Variants in CNTNAP2 observed in about 807,000 individuals in gnomAD.
CNTNAP2 encodes contactin associated protein 2, also known as contactin-associated protein-like 2.
CNTNAP2 carries 98 observed loss-of-function variants against 155.2 expected under a neutral mutation model. The ratio of observed to expected loss-of-function variants is 0.63; its 90% confidence interval spans 0.54 to 0.75. The LOEUF is 0.75. CNTNAP2 is among the 30% of genes least tolerant of loss of function. The pLI is 0.00. For missense variants in CNTNAP2, 1,727 were observed against 1,688.1 expected (o/e 1.02, Z -0.40); for synonymous variants, 651 against 631.2 (o/e 1.03, Z -0.47).
intron 8 of CNTNAP2, among the ~76,000 whole-genome samples, chr7:147,137,318 A>G (rs556861704): frequency 7.9e-5 from 12 of 151,408 alleles, no homozygotes; most frequent in Non-Finnish European, 1.5e-4. Context: ...TAATGTCATT[A>G]TTATAAATAT....
intron 1 of CNTNAP2, among the ~76,000 whole-genome samples, chr7:146,507,237 C>T (rs1797397700): frequency 6.6e-6 from 1 of 152,188 alleles, no homozygotes; most frequent in Non-Finnish European, 1.5e-5. Flanking sequence ...CTTCTCTATC[C>T]ATGAATAGCA....
chr7:146,320,611 G>A (rs1010738238), intron 1 of CNTNAP2, among the ~76,000 whole-genome samples: 1 of 152,068 alleles, frequency 6.6e-6, no homozygotes, highest in African/African-American at 2.4e-5. Context: ...AGCATACTGA[G>A]GGTTTGGAGA....
intron 16 of CNTNAP2, among the ~76,000 whole-genome samples, chr7:148,135,747 G>A (rs1804924652): frequency 6.7e-6 from 1 of 150,206 alleles, no homozygotes; most frequent in Admixed American, 6.7e-5. Flanking sequence ...TACTCGGGAG[G>A]CTGAGGCAGG....
At chr7:146,313,099 T>C (rs1340567223) in intron 1 of CNTNAP2, among the ~76,000 whole-genome samples, 2 of 152,208 alleles carry the variant, frequency 1.3e-5, no homozygotes, top group African/African-American at 4.8e-5. Context: ...AATCACATAG[T>C]AATTCTATTT....
At chr7:147,144,903 T>A (rs1563092526) in intron 8 of CNTNAP2, among the ~76,000 whole-genome samples, 1 of 152,210 alleles carries the variant, frequency 6.6e-6, no homozygotes, top group South Asian at 2.1e-4. Flanking sequence ...AGTACATGCA[T>A]GCTTTTTAAA....
chr7:146,549,923 A>G (rs537781251), intron 1 of CNTNAP2, among the ~76,000 whole-genome samples: 12 of 152,070 alleles, frequency 7.9e-5, no homozygotes, highest in Non-Finnish European at 1.5e-4. Flanking sequence ...CAGGTTGAGG[A>G]TGACCTTAGT....
rs1010147445 is a variant in CNTNAP2 at position 146,513,257 on chromosome 7, C to G, written c.98-261014C>G. ...ATCTTTTAAAAAATATATTCATCTA[C>G]CCTCTATCTTTTAATTGGAGAATTT... On this transcript the variant is annotated intron_variant, in intron 1 of 23. Transcript: ENST00000361727. Among the ~76,000 whole-genome samples the G allele has an allele frequency of 3.4e-4, 52 of 151,856 alleles. 1 individual carries two copies. Among genetic ancestry groups the G allele is most frequent in the African/African-American group, 1.2e-3 (51 of 41,396 alleles).
chr7:148,215,469 G>A (rs972366066), intron 18 of CNTNAP2, among the ~76,000 whole-genome samples: 2 of 151,340 alleles, frequency 1.3e-5, no homozygotes, highest in African/African-American at 4.9e-5. Flanking sequence ...CTTTTGATCA[G>A]GCATTTATTC....
intron 21 of CNTNAP2, among the ~76,000 whole-genome samples, chr7:148,274,903 G>T (rs920454694): frequency 2.6e-5 from 4 of 152,148 alleles, no homozygotes; most frequent in African/African-American, 7.2e-5. Context: ...GAATAGTAAT[G>T]GTCTCTGTGT....
intron 13 of CNTNAP2, among the ~76,000 whole-genome samples, chr7:147,847,278 TG>T (rs1798827685): frequency 2.2e-5 from 1 of 45,962 alleles, no homozygotes; most frequent in East Asian, 6.8e-4. Flanking sequence ...CCATATTTCT[TG>T]GAGGCTTTGC....
At chr7:146,507,533 A>G (rs144052884) in intron 1 of CNTNAP2, among the ~76,000 whole-genome samples, 81 of 152,298 alleles carry the variant, frequency 5.3e-4, no homozygotes, top group African/African-American at 1.9e-3. Flanking sequence ...ATGCTTTCCA[A>G]TATCCCAAGA....
At chr7:148,025,081 G>A (rs1409774446) in intron 15 of CNTNAP2, among the ~76,000 whole-genome samples, 1 of 152,136 alleles carries the variant, frequency 6.6e-6, no homozygotes, top group Non-Finnish European at 1.5e-5. Flanking sequence ...CTAATGAAAG[G>A]ACATAAGATT....
At chr7:147,823,169 A>T (rs1458706851) in intron 13 of CNTNAP2, among the ~76,000 whole-genome samples, 2 of 152,170 alleles carry the variant, frequency 1.3e-5, no homozygotes, top group Admixed American at 1.3e-4. Flanking sequence ...TTCTACCTTG[A>T]ATTCATGTGC....
At chr7:147,468,853 TCC>T (rs67839065) in intron 10 of CNTNAP2, among the ~76,000 whole-genome samples, 112,173 of 144,982 alleles carry the variant, frequency 0.77, 43,741 homozygotes, top group African/African-American at 0.87. Context: ...TTTTTTTTTT[TCC>T]CCCCAGACAG....
chr7:147,579,622 A>C (rs1024109391), intron 12 of CNTNAP2, among the ~76,000 whole-genome samples: 1 of 152,156 alleles, frequency 6.6e-6, no homozygotes, highest in African/African-American at 2.4e-5. Context: ...TGTCTTCAGA[A>C]GTTTCACCAA....
chr7:147,599,729 A>T (rs1308755918), intron 12 of CNTNAP2, among the ~76,000 whole-genome samples: 1 of 152,010 alleles, frequency 6.6e-6, no homozygotes, highest in Non-Finnish European at 1.5e-5. Context: ...GGTATTCTCC[A>T]TGTGTGTGTC....
chr7:146,267,744 G>A (rs549402708), intron 1 of CNTNAP2, among the ~76,000 whole-genome samples: 22 of 152,294 alleles, frequency 1.4e-4, no homozygotes, highest in African/African-American at 4.6e-4. Flanking sequence ...GCACATTCCC[G>A]TGGTTTGCAA....
At position 147,368,096 on chromosome 7, in the gene CNTNAP2, T is replaced by TCACACACACA. The variant is rs5888250; in HGVS notation, c.1499-27486_1499-27477dup. Among the ~76,000 whole-genome samples, 446 of 117,162 alleles carry TCACACACACA rather than the reference T, an allele frequency of 3.8e-3. 4 individuals carry two copies. Among genetic ancestry groups the TCACACACACA allele is most frequent in the African/African-American group, 7.0e-3 (201 of 28,690 alleles). 76.9% of individuals were successfully genotyped at this position (117,162 alleles called of 152,430 possible). ...CTCCCTCCTTTCCTCTCTCTCTCTG[T>TCACACACACA]CACACACACACACACACACACACAC... On this transcript the variant is annotated intron_variant, in intron 9 of 23. Coordinates refer to ENST00000361727, the MANE Select transcript of CNTNAP2 (RefSeq NM_014141.6).
At chr7:148,079,481 G>C (rs1803556534) in intron 15 of CNTNAP2, among the ~76,000 whole-genome samples, 1 of 152,174 alleles carries the variant, frequency 6.6e-6, no homozygotes, top group African/African-American at 2.4e-5. Flanking sequence ...AAGCCTACAG[G>C]TAGCCGGCTT....
Sources: gnomAD v4.1 joint callset for allele counts (sites outside exome capture counted in the v4.1 genomes callset) on GRCh38, gnomAD v4.1.1 for gene constraint, MANE v1.5 for transcripts, NCBI Gene and HGNC (gene_info 2026-07-23, HGNC 2026-07-21) for gene names.